The following NEXMIF variants were observed in gnomAD, a reference collection of about 807,000 sequenced individuals.
NEXMIF encodes the protein XLMR protein related to neurite extension.
In NEXMIF, 8 loss-of-function variants were observed where a neutral mutation model predicts 62.1. The ratio of observed to expected loss-of-function variants is 0.13; its 90% confidence interval spans 0.08 to 0.23. The LOEUF is 0.23. Among genes scored for constraint, NEXMIF ranks in the 10% least tolerant of loss-of-function variants. The pLI, the probability that NEXMIF is intolerant of heterozygous loss-of-function variation, is 1.00. For synonymous variants in NEXMIF, 404 were observed against 416.6 expected (o/e 0.97, Z 0.37); for missense variants, 976 against 1,113.3 (o/e 0.88, Z 1.75).
intron 1 of NEXMIF, among the ~76,000 whole-genome samples, chrX:74,905,829 C>A (rs6647570): frequency 0.14 from 15,551 of 109,989 alleles, 1,700 homozygotes; most frequent in East Asian, 0.91. Flanking sequence ...CAAAACAAAA[C>A]AAAAAACAAA....
At position 74,741,294 on chromosome X, in the gene NEXMIF, C is replaced by T; in HGVS notation, c.3263G>A (p.Ser1088Asn). The change falls in exon 3 of 4, where the codon AGT (serine) becomes AAT (asparagine). Residue 1088 changes from serine to asparagine, a missense_variant. Ser to Asn is a conservative substitution (Grantham distance 46). This residue lies in a region of NEXMIF where 639 missense variants were observed against 694.5 expected (regional missense o/e 0.92). Coordinates refer to ENST00000055682, the MANE Select transcript of NEXMIF (RefSeq NM_001008537.3). ...SLSPQITRCE[S>N]MKTLGTLKGF... ...CTTTAGTGTTCCTAGTGTCTTCATA[C>T]TCTCACATCTGGTAATTTGAGGGGA... The T allele has an allele frequency of 8.3e-7, 1 of 1,211,306 alleles. No individual in the cohort carries two copies. Among genetic ancestry groups the T allele is most frequent in the East Asian group, 3.0e-5 (1 of 33,828 alleles).
chrX:74,809,795 T>G (rs995743445), intron 1 of NEXMIF, among the ~76,000 whole-genome samples: 11 of 111,768 alleles, frequency 9.8e-5, no homozygotes, highest in African/African-American at 3.6e-4. Flanking sequence ...CAGTCCAGTA[T>G]CAATCATACT....
intron 1 of NEXMIF, among the ~76,000 whole-genome samples, chrX:74,887,453 A>G (rs1213363774): frequency 4.5e-5 from 5 of 112,165 alleles, no homozygotes; most frequent in East Asian, 2.8e-4. Flanking sequence ...TTTACAAGAA[A>G]AAAACAAACA....
chrX:74,873,508 T>C (rs996333636), intron 1 of NEXMIF, among the ~76,000 whole-genome samples: 2 of 112,171 alleles, frequency 1.8e-5, no homozygotes, highest in African/African-American at 6.5e-5. Context: ...ATATACCCAG[T>C]AATGGGATGG....
chrX:74,916,112 T>C (rs907929515), intron 1 of NEXMIF, among the ~76,000 whole-genome samples: 3 of 111,774 alleles, frequency 2.7e-5, no homozygotes, highest in Non-Finnish European at 1.9e-5. Flanking sequence ...AACAACTCCA[T>C]ACTATAATTT....
Position 74,877,801 on chromosome X carries a change from C to A in NEXMIF, c.-48+47082G>T, listed in dbSNP as rs760447795. ...ATCGCATCGGCTCCTGAGGCTTCTG[C>A]ATTCTTCACGTAGTTCTCGAGCCTT... On this transcript the variant is annotated intron_variant, in intron 1 of 3. Coordinates refer to ENST00000055682, the MANE Select transcript of NEXMIF (RefSeq NM_001008537.3). Among the ~76,000 whole-genome samples the A allele has an allele frequency of 3.3e-3, 371 of 112,159 alleles. 2 individuals are homozygous for A. Among genetic ancestry groups the A allele is most frequent in the African/African-American group, 0.011 (353 of 30,905 alleles).
intron 1 of NEXMIF, among the ~76,000 whole-genome samples, chrX:74,791,672 T>A (rs1355105391): frequency 9.0e-6 from 1 of 110,581 alleles, no homozygotes; most frequent in East Asian, 2.8e-4. Flanking sequence ...ATTGGTCTAT[T>A]CAGAGATTCA....
At chrX:74,882,263 C>CGG in intron 1 of NEXMIF, among the ~76,000 whole-genome samples, 1 of 111,900 alleles carries the variant, frequency 8.9e-6, no homozygotes, top group East Asian at 2.8e-4. Flanking sequence ...ACTGAGGTAA[C>CGG]GGGTTCATCT....
At chrX:74,809,832 A>G (rs2080355404) in intron 1 of NEXMIF, among the ~76,000 whole-genome samples, 2 of 111,908 alleles carry the variant, frequency 1.8e-5, no homozygotes, top group Admixed American at 1.9e-4. Flanking sequence ...TTTAGCACAC[A>G]GTAGATACTC....
rs775401715 is a variant in NEXMIF, at chrX:74,743,385, T to C, written c.1172A>G (p.Glu391Gly). Reference sequence around the variant, plus strand: ...ATCTTTCTTCTCTACACCTTTGTCTTCCTGTCCTTCCTCTTTGCCTTTCTT... The same window carrying C: ...ATCTTTCTTCTCTACACCTTTGTCTCCCTGTCCTTCCTCTTTGCCTTTCTT... Reference protein sequence around the residue: ...DKKKGKEEGQEDKGVEKKDGK... With the variant: ...DKKKGKEEGQGDKGVEKKDGK... Residue 391 changes from glutamate to glycine, a missense_variant, in exon 3 of 4, where the codon GAA becomes GGA. Physicochemically the swap from Glu to Gly is moderately conservative, Grantham distance 98. Transcript: ENST00000055682. 7.4e-6 allele frequency: 9 copies of C among 1,211,525 alleles called. No homozygotes were observed. The East Asian group carries it at 2.7e-4, about 36-fold the overall frequency.
intron 1 of NEXMIF, among the ~76,000 whole-genome samples, chrX:74,917,446 T>C (rs1337607757): frequency 1.8e-5 from 2 of 112,357 alleles, no homozygotes; most frequent in Non-Finnish European, 3.8e-5. Context: ...TATAGCAGTA[T>C]GAGAACAGAC....
chrX:74,745,544 T>C, intron 2 of NEXMIF, 28 bp downstream of exon 2: 1 of 1,032,133 alleles, frequency 9.7e-7, no homozygotes, highest in South Asian at 1.9e-5. Flanking sequence ...AGGAGAGATA[T>C]TAATATACTA....
At chrX:74,793,076 G>T (rs1243976913) in intron 1 of NEXMIF, among the ~76,000 whole-genome samples, 1 of 110,286 alleles carries the variant, frequency 9.1e-6, no homozygotes, top group Admixed American at 9.7e-5. Flanking sequence ...AGTCTTGATG[G>T]TCTTTACATT....
chrX:74,889,288 A>G (rs1398892558), intron 1 of NEXMIF, among the ~76,000 whole-genome samples: 1 of 111,010 alleles, frequency 9.0e-6, no homozygotes, highest in African/African-American at 3.3e-5. Context: ...AATGAACACC[A>G]AGTACCGATA....
intron 1 of NEXMIF, among the ~76,000 whole-genome samples, chrX:74,863,653 T>C (rs1176246864): frequency 1.8e-5 from 2 of 111,686 alleles, no homozygotes; most frequent in Non-Finnish European, 3.8e-5. Context: ...CAGGACAAGA[T>C]GGATTTAGAG....
rs202195853 is a variant in NEXMIF, at chrX:74,873,631, T to G, written c.-48+51252A>C. Among the ~76,000 whole-genome samples the G allele has an allele frequency of 3.4e-3, 379 of 111,685 alleles. 2 individuals carry two copies. The highest frequency in any genetic ancestry group is 0.012 in the African/African-American group (362 of 30,771). ...AACAGTGTAAAAGTGTTCCTATTTCTCCACATCCTCTCCAGCACCTGTTGT... is the reference window on the plus strand; with the variant it reads ...AACAGTGTAAAAGTGTTCCTATTTCGCCACATCCTCTCCAGCACCTGTTGT... On this transcript the variant is annotated intron_variant, in intron 1 of 3. Coordinates refer to ENST00000055682, the MANE Select transcript of NEXMIF (RefSeq NM_001008537.3).
At chrX:74,751,236 A>T (rs771530310) in intron 1 of NEXMIF, among the ~76,000 whole-genome samples, 24 of 110,878 alleles carry the variant, frequency 2.2e-4, no homozygotes, top group African/African-American at 7.2e-4. Flanking sequence ...TCTCAAAAAA[A>T]AAATTCCAAA....
intron 1 of NEXMIF, among the ~76,000 whole-genome samples, chrX:74,754,377 C>T (rs1170521302): frequency 2.3e-4 from 24 of 105,658 alleles, no homozygotes; most frequent in African/African-American, 6.6e-4. Flanking sequence ...GGTGCGATCT[C>T]GGCTCACTGC....
In NEXMIF at chrX:74,923,924, A is replaced by G. The variant is rs150861342; in HGVS notation, c.-48+959T>C. Among the ~76,000 whole-genome samples the G allele has an allele frequency of 8.0e-5, 9 of 112,821 alleles. No homozygotes were observed. The East Asian group carries it at 2.5e-3, about 31-fold the overall frequency. ...CAAAATATGAGACCCACTTATTCCAAAATGCAACCAGAAGCTTGATAAAAA... is the reference window on the plus strand; with the variant it reads ...CAAAATATGAGACCCACTTATTCCAGAATGCAACCAGAAGCTTGATAAAAA... On this transcript the variant is annotated intron_variant, in intron 1 of 3. Transcript: ENST00000055682.
Sources: gnomAD v4.1 joint callset for allele counts (sites outside exome capture counted in the v4.1 genomes callset) on GRCh38, gnomAD v4.1.1 for gene constraint, gnomAD v4.1.1 regional missense constraint, MANE v1.5 for transcripts, NCBI Gene and HGNC (gene_info 2026-07-23, HGNC 2026-07-21) for gene names.